The following SPAG16 variants were observed in gnomAD, a reference collection of about 807,000 sequenced individuals.
SPAG16 encodes the protein sperm-associated antigen 16 protein.
Under a neutral mutation model 80.4 loss-of-function variants are expected in SPAG16, and 86 were observed. The observed-to-expected ratio is 1.07, with a 90% confidence interval of 0.90 to 1.28. SPAG16 has a LOEUF of 1.28. Ranked by LOEUF, SPAG16 falls within the 50% of genes most tolerant of loss-of-function variation. The pLI is 0.00. For missense variants in SPAG16, 870 were observed against 765.3 expected (o/e 1.14, Z -1.61); for synonymous variants, 294 against 265.9 (o/e 1.11, Z -1.03).
At chr2:214,161,694 A>G (rs953818589) in intron 15 of SPAG16, among the ~76,000 whole-genome samples, 1 of 152,042 alleles carries the variant, frequency 6.6e-6, no homozygotes, top group Non-Finnish European at 1.5e-5. Context: ...GTTGATGGGT[A>G]GAGAGAGCAT....
chr2:213,703,046 G>A (rs143358365), intron 10 of SPAG16, among the ~76,000 whole-genome samples: 1 of 152,150 alleles, frequency 6.6e-6, no homozygotes, highest in Non-Finnish European at 1.5e-5. Flanking sequence ...AGAAGTGGAG[G>A]GTGTCACTTC....
At chr2:213,679,226 G>A (rs967951227) in intron 10 of SPAG16, among the ~76,000 whole-genome samples, 23 of 151,982 alleles carry the variant, frequency 1.5e-4, no homozygotes, top group Non-Finnish European at 2.9e-4. Flanking sequence ...TATACACTAT[G>A]GTCATGTAAA....
intron 10 of SPAG16, among the ~76,000 whole-genome samples, chr2:213,748,418 G>A (rs908682700): frequency 3.3e-5 from 5 of 151,556 alleles, no homozygotes; most frequent in African/African-American, 1.2e-4. Flanking sequence ...TGCATTAAAA[G>A]TTTATGTTCT....
intron 15 of SPAG16, chr2:214,250,309 GTAAC>G (rs1226196480): frequency 2.0e-5 from 3 of 151,934 alleles, no homozygotes; most frequent in East Asian, 1.9e-4. Context: ...AAAGTTAAAA[GTAAC>G]TAAATCTCTT....
intron 9 of SPAG16, among the ~76,000 whole-genome samples, chr2:213,419,404 A>C (rs2069460006): frequency 6.6e-6 from 1 of 152,034 alleles, no homozygotes; most frequent in African/African-American, 2.4e-5. Flanking sequence ...TTACTCCCTA[A>C]TATGCTCATA....
chr2:214,222,220 G>A (rs1429994508), intron 15 of SPAG16, among the ~76,000 whole-genome samples: 2 of 149,308 alleles, frequency 1.3e-5, no homozygotes, highest in Admixed American at 6.8e-5. Context: ...GGGTTCAAGC[G>A]AGTCTCCTGA....
intron 5 of SPAG16, among the ~76,000 whole-genome samples, chr2:213,320,663 A>G (rs1391756077): frequency 1.3e-5 from 2 of 151,876 alleles, no homozygotes; most frequent in Non-Finnish European, 2.9e-5. Flanking sequence ...GACACGCAAT[A>G]TTTGTCTTTC....
chr2:213,543,186 G>A (rs1458746271), intron 10 of SPAG16, among the ~76,000 whole-genome samples: 8 of 151,988 alleles, frequency 5.3e-5, no homozygotes, highest in Non-Finnish European at 7.4e-5. Context: ...AGAAATCGAT[G>A]AGCTAAAGAG....
intron 9 of SPAG16, among the ~76,000 whole-genome samples, chr2:213,478,360 A>T (rs111783113): frequency 0.096 from 14,582 of 152,176 alleles, 1,799 homozygotes; most frequent in African/African-American, 0.29. Context: ...TGAGCTGTTT[A>T]GATATCTTAA....
chr2:213,525,765 A>G (rs142831863), intron 10 of SPAG16, among the ~76,000 whole-genome samples: 292 of 152,244 alleles, frequency 1.9e-3, no homozygotes, highest in Non-Finnish European at 3.6e-3. Context: ...ATCCATGTCT[A>G]TGTATATCTA....
intron 9 of SPAG16, among the ~76,000 whole-genome samples, chr2:213,442,117 C>T (rs1459025597): frequency 6.6e-6 from 1 of 152,264 alleles, no homozygotes. Context: ...CACTGCACTC[C>T]AGCTTGGGCG....
intron 15 of SPAG16, among the ~76,000 whole-genome samples, chr2:214,378,349 T>C (rs1700251794): frequency 6.6e-6 from 1 of 152,168 alleles, no homozygotes; most frequent in South Asian, 2.1e-4. Context: ...AGAAGATGCA[T>C]TGGCTTAGAT....
chr2:213,809,116 G>A lies in SPAG16; in HGVS notation c.1071-53369G>A, dbSNP rs372318867. On this transcript the variant is annotated intron_variant, in intron 10 of 15. Coordinates refer to ENST00000331683, the MANE Select transcript of SPAG16 (RefSeq NM_024532.5). Reference sequence around the variant, plus strand: ...TTTGGTGAAAGAATACCTCACCTCTGTGTGTCTCCCCATTAACAGAGCAAG... The same window carrying A: ...TTTGGTGAAAGAATACCTCACCTCTATGTGTCTCCCCATTAACAGAGCAAG... 5.8e-4 allele frequency among the ~76,000 whole-genome samples: 89 copies of A among 152,292 alleles called. 1 individual carries two copies. In the South Asian group the frequency reaches 0.016, roughly 27 times the overall value.
chr2:214,154,166 G>A (rs750253508), intron 15 of SPAG16, among the ~76,000 whole-genome samples: 78 of 152,040 alleles, frequency 5.1e-4, no homozygotes, highest in African/African-American at 1.5e-3. Context: ...ATGGAATTGC[G>A]TAGTGAAAGT....
intron 10 of SPAG16, among the ~76,000 whole-genome samples, chr2:213,601,130 T>A (rs2061046018): frequency 6.6e-6 from 1 of 152,128 alleles, no homozygotes; most frequent in Non-Finnish European, 1.5e-5. Context: ...GAAGAGGCAA[T>A]GGTTTTGAAA....
intron 9 of SPAG16, among the ~76,000 whole-genome samples, chr2:213,384,166 C>T (rs2067311902): frequency 6.6e-6 from 1 of 152,112 alleles, no homozygotes; most frequent in Admixed American, 6.5e-5. Context: ...CATCTACATC[C>T]TTTGTTTAAA....
chr2:213,559,328 T>C (rs2059529433), intron 10 of SPAG16, among the ~76,000 whole-genome samples: 2 of 152,138 alleles, frequency 1.3e-5, no homozygotes, highest in Non-Finnish European at 2.9e-5. Context: ...CAATGTGATG[T>C]CATGAAGCTT....
In SPAG16 at chr2:213,620,482, T is replaced by G. The variant is rs188696470; in HGVS notation, c.1070+130392T>G. On this transcript the variant is annotated intron_variant, in intron 10 of 15. Transcript: ENST00000331683. The stretch of plus-strand genomic sequence containing the variant: ...TAATTTTTTGTATTTTTAGTAGAGA[T>G]AGGGTTTCACCGTGTTAGCCAGGAT... 2.9e-3 allele frequency among the ~76,000 whole-genome samples: 441 copies of G among 151,694 alleles called. 1 individual carries two copies. Among genetic ancestry groups the G allele is most frequent in the Non-Finnish European group, 4.9e-3 (335 of 67,872 alleles).
chr2:213,289,515 G>A (rs2062187288), intron 1 of SPAG16, among the ~76,000 whole-genome samples: 1 of 152,166 alleles, frequency 6.6e-6, no homozygotes, highest in Non-Finnish European at 1.5e-5. Flanking sequence ...GGTAAAAACT[G>A]CAGGGAGCAA....
Sources: gnomAD v4.1 joint callset for allele counts (sites outside exome capture counted in the v4.1 genomes callset) on GRCh38, gnomAD v4.1.1 for gene constraint, MANE v1.5 for transcripts, NCBI Gene and HGNC (gene_info 2026-07-23, HGNC 2026-07-21) for gene names.